The following PLB1 variants were observed in gnomAD, a reference collection of about 807,000 sequenced individuals.
PLB1 encodes phospholipase B1.
Under a neutral mutation model 227.4 loss-of-function variants are expected in PLB1, and 242 were observed. The ratio of observed to expected loss-of-function variants is 1.06; its 90% CI spans 0.96 to 1.18. The LOEUF is 1.18. PLB1 is among the 50% of genes most tolerant of loss of function. The pLI, the probability that PLB1 is intolerant of heterozygous loss-of-function variation, is 0.00. For synonymous variants in PLB1, 757 were observed against 682.2 expected, an observed-to-expected ratio of 1.11 and a Z score of -1.71; for missense variants, 1,858 against 1,816.3, an observed-to-expected ratio of 1.02 and a Z score of -0.42.
intron 1 of PLB1, among the ~76,000 whole-genome samples, chr2:28,508,435 C>T (rs80062726): frequency 0.027 from 4,086 of 152,280 alleles, 87 homozygotes; most frequent in Non-Finnish European, 0.044. Flanking sequence ...ACATCCTATA[C>T]GCCTTAGAGC....
Position 28,598,189 on chromosome 2 carries a change from A to G in PLB1, c.2365+141A>G, listed in dbSNP as rs772799106. 9 of 701,848 alleles carry G rather than the reference A, an allele frequency of 1.3e-5. 1 individual carries two copies. Among genetic ancestry groups the G allele is most frequent in the Non-Finnish European group, 2.2e-5 (9 of 418,100 alleles). The allele number at this position is 701,848 out of a possible 1,614,324, so 43.5% of individuals were successfully genotyped here. ...TTAAGTAGGAGACAGGAGGCTATGA[A>G]AAAGCAGCCGAGGCAGGTAAAATAA... On this transcript the variant is annotated intron_variant, in intron 34 of 57. Coordinates refer to ENST00000327757, the MANE Select transcript of PLB1 (RefSeq NM_153021.5).
intron 56 of PLB1, among the ~76,000 whole-genome samples, chr2:28,636,226 T>C (rs1246399664): frequency 6.6e-6 from 1 of 152,158 alleles, no homozygotes; most frequent in Non-Finnish European, 1.5e-5. Context: ...GACCAGCTAA[T>C]TTTTGTATTT....
intron 33 of PLB1, chr2:28,594,078 A>T: frequency 1.5e-6 from 1 of 653,512 alleles, no homozygotes; most frequent in South Asian, 1.4e-5. Context: ...GCTTGCATGT[A>T]TACGTGTACA....
intron 17 of PLB1, among the ~76,000 whole-genome samples, chr2:28,561,153 T>C (rs1676004193): frequency 6.6e-6 from 1 of 152,246 alleles, no homozygotes; most frequent in Admixed American, 6.5e-5. Context: ...TCTTACACTA[T>C]AATAACTATG....
chr2:28,573,088 G>T, intron 20 of PLB1, 109 bp from the exon 21 acceptor site: 1 of 795,624 alleles, frequency 1.3e-6, no homozygotes, highest in East Asian at 2.6e-5. Context: ...GTAAGAGTAG[G>T]GGCTGCGGAG....
At chr2:28,602,183 C>T (rs1223417712) in intron 38 of PLB1, among the ~76,000 whole-genome samples, 1 of 152,194 alleles carries the variant, frequency 6.6e-6, no homozygotes, top group Non-Finnish European at 1.5e-5. Flanking sequence ...GAAGGCTGTT[C>T]CCTCACCACT....
At chr2:28,539,326 C>T (rs1428498777) in intron 11 of PLB1, 148 bp downstream of exon 11, 12 of 723,700 alleles carry the variant, frequency 1.7e-5, no homozygotes, top group African/African-American at 8.7e-5. Context: ...AGCTCACACC[C>T]GAGCGAGTGG....
At chr2:28,521,427 C>A (rs939906470) in intron 4 of PLB1, among the ~76,000 whole-genome samples, 1 of 152,174 alleles carries the variant, frequency 6.6e-6, no homozygotes. Context: ...TTCTCCACAT[C>A]CTCACCAATG....
chr2:28,613,439 TTAAC>T (rs970457606), intron 43 of PLB1, among the ~76,000 whole-genome samples: 20 of 152,298 alleles, frequency 1.3e-4, no homozygotes, highest in African/African-American at 4.3e-4. Flanking sequence ...TCTTCCTTCT[TTAAC>T]TAACTCCTCA....
intron 1 of PLB1, among the ~76,000 whole-genome samples, chr2:28,514,015 G>A (rs1038309086): frequency 2.0e-5 from 3 of 152,144 alleles, no homozygotes; most frequent in Admixed American, 2.0e-4. Context: ...TACAGGCACT[G>A]GGTTAGATCT....
chr2:28,616,552 G>A (rs1012549817), intron 44 of PLB1, among the ~76,000 whole-genome samples: 18 of 152,200 alleles, frequency 1.2e-4, no homozygotes, highest in African/African-American at 4.1e-4. Context: ...TGTGACGGAT[G>A]AGCACGTTTC....
intron 43 of PLB1, among the ~76,000 whole-genome samples, chr2:28,612,859 A>G (rs1018130744): frequency 2.7e-5 from 4 of 147,850 alleles, no homozygotes; most frequent in Admixed American, 1.4e-4. Flanking sequence ...TCATGTGATG[A>G]ACCCCCCCTT....
chr2:28,583,737 A>C (rs1440143135), intron 25 of PLB1, among the ~76,000 whole-genome samples: 1 of 152,100 alleles, frequency 6.6e-6, no homozygotes, highest in Non-Finnish European at 1.5e-5. Context: ...GGTTCCCCAT[A>C]ATGGCTCATG....
At chr2:28,634,913 A>AAAAC (rs1689117428) in intron 56 of PLB1, among the ~76,000 whole-genome samples, 1 of 151,176 alleles carries the variant, frequency 6.6e-6, no homozygotes, top group African/African-American at 2.4e-5. Flanking sequence ...CCTATCTCAA[A>AAAAC]AAACAAATAG....
rs150953548 is a variant in PLB1 at position 28,504,730 on chromosome 2, A to C, written c.55+8561A>C. ...ACATTCCAGCCTGGGCAACAGAGCG[A>C]GACTCAGTCTCAAAAAAACAAAACA... On this transcript the variant is annotated intron_variant, in intron 1 of 57. Coordinates refer to ENST00000327757, the MANE Select transcript of PLB1 (RefSeq NM_153021.5). 6.6e-3 allele frequency among the ~76,000 whole-genome samples: 998 copies of C among 152,296 alleles called. 12 individuals are homozygous for C. The highest frequency in any genetic ancestry group is 0.023 in the African/African-American group (952 of 41,542).
In PLB1 at chr2:28,630,676, A is replaced by AGCC. The variant is rs1435704855; in HGVS notation, c.3897+13_3897+15dup. The AGCC allele has an allele frequency of 6.2e-7, 1 of 1,605,700 alleles. No individual in the cohort carries two copies. Among genetic ancestry groups the AGCC allele is most frequent in the Admixed American group, 1.7e-5 (1 of 58,960 alleles). The stretch of plus-strand genomic sequence containing the variant: ...ACTGGAACCTCCAGGTAAGCCCTGC[A>AGCC]GCCCTTCTCTTACTGACCCAGCTGG... On this transcript the variant is annotated intron_variant, in intron 54 of 57. Coordinates refer to ENST00000327757, the MANE Select transcript of PLB1 (RefSeq NM_153021.5).
At chr2:28,589,648 G>T in intron 27 of PLB1, 27 bp from the exon 28 acceptor site, 1 of 1,611,300 alleles carries the variant, frequency 6.2e-7, no homozygotes, top group East Asian at 2.2e-5. Context: ...GTCTATAACT[G>T]CCTCTCTTTT....
intron 13 of PLB1, among the ~76,000 whole-genome samples, chr2:28,542,497 A>C (rs1300071619): frequency 6.6e-6 from 1 of 152,090 alleles, no homozygotes; most frequent in African/African-American, 2.4e-5. Context: ...CATCAGGGCC[A>C]CATGAGTTAA....
intron 1 of PLB1, among the ~76,000 whole-genome samples, chr2:28,514,423 G>A (rs191093732): frequency 1.2e-4 from 18 of 152,122 alleles, no homozygotes; most frequent in African/African-American, 3.9e-4. Flanking sequence ...CTTCTAGGTC[G>A]TTTGCCTCTT....
Sources: gnomAD v4.1 joint callset for allele counts (sites outside exome capture counted in the v4.1 genomes callset) on GRCh38, gnomAD v4.1.1 for gene constraint, MANE v1.5 for transcripts, NCBI Gene and HGNC (gene_info 2026-07-23, HGNC 2026-07-21) for gene names.